Variants in COL22A1 observed in about 807,000 individuals in gnomAD.
The protein encoded by COL22A1 is collagen type XXII alpha 1 chain, also known as collagen alpha-1(XXII) chain.
A neutral mutation model predicts 248.9 loss-of-function variants in COL22A1; 221 were observed. That is an observed-to-expected ratio of 0.89 (90% CI 0.80 to 0.99). The LOEUF is 0.99. Among genes scored for constraint, COL22A1 ranks in the 50% least tolerant of loss-of-function variants. The pLI is 0.00. For missense variants in COL22A1, 2,240 were observed against 2,179.0 expected, an observed-to-expected ratio of 1.03 and a Z score of -0.56; for synonymous variants, 891 against 793.4, an observed-to-expected ratio of 1.12 and a Z score of -2.07.
At chr8:138,598,667 C>A in intron 61 of COL22A1, 52 bp downstream of exon 61, 1 of 1,536,394 alleles carries the variant, frequency 6.5e-7, no homozygotes, top group South Asian at 1.2e-5. Flanking sequence ...TTCCCTGGCT[C>A]CCCCTTAGGC....
At chr8:138,867,636 G>A (rs1281088402) in intron 3 of COL22A1, among the ~76,000 whole-genome samples, 6 of 152,222 alleles carry the variant, frequency 3.9e-5, no homozygotes, top group Admixed American at 3.9e-4. Context: ...ACAGGTCTTA[G>A]CAATGACATG....
rs775244853 is a variant in COL22A1, at chr8:138,760,329, G to A, written c.1858-42C>T. On this transcript the variant is annotated intron_variant, in intron 17 of 64. Coordinates refer to ENST00000303045, the MANE Select transcript of COL22A1 (RefSeq NM_152888.3). Reference sequence around the variant, plus strand: ...AAAGGCAGATTATGATGGGCACTACGGATACGGTGGTGGGGTGTTGGGGAG... The same window carrying A: ...AAAGGCAGATTATGATGGGCACTACAGATACGGTGGTGGGGTGTTGGGGAG... The A allele has an allele frequency of 1.6e-5, 25 of 1,563,656 alleles. 1 individual carries two copies. The Middle Eastern group carries it at 5.0e-4, about 31-fold the overall frequency.
chr8:138,801,576 T>C (rs1817004249), intron 11 of COL22A1, among the ~76,000 whole-genome samples: 2 of 152,210 alleles, frequency 1.3e-5, no homozygotes, highest in Non-Finnish European at 2.9e-5. Context: ...CCAGGCATTT[T>C]GTAAACCAAG....
rs777346782 is a variant in COL22A1 at position 138,877,764 on chromosome 8, C to A, written c.644G>T (p.Arg215Leu). ...AIDKIRGKLRRRLCENVLCPS... is the reference protein window; with the variant it reads ...AIDKIRGKLRLRLCENVLCPS... Reference sequence around the variant, plus strand: ...GGCGCACTCACTTTCACAAAGACGGCGCCGCAGCTTGCCCCGGATCTTGTC... The same window carrying A: ...GGCGCACTCACTTTCACAAAGACGGAGCCGCAGCTTGCCCCGGATCTTGTC... The change falls in exon 3 of 65, where the codon CGC becomes CTC. Residue 215 changes from arginine to leucine, a missense_variant. Transcript: ENST00000303045. The A allele has an allele frequency of 1.3e-6, 2 of 1,588,458 alleles. No individual in the cohort carries two copies. The highest frequency in any genetic ancestry group is 4.5e-5 in the East Asian group (2 of 44,406).
intron 41 of COL22A1, among the ~76,000 whole-genome samples, chr8:138,673,414 T>A (rs1825221584): frequency 6.6e-6 from 1 of 151,936 alleles, no homozygotes; most frequent in African/African-American, 2.4e-5. Flanking sequence ...TTCACCATGT[T>A]GCCAGGCTGG....
At chr8:138,654,886 C>G (rs1823089199) in intron 45 of COL22A1, among the ~76,000 whole-genome samples, 1 of 152,166 alleles carries the variant, frequency 6.6e-6, no homozygotes, top group Non-Finnish European at 1.5e-5. Context: ...CCAGTCAAGT[C>G]TGCACTCACA....
chr8:138,882,319 CA>C (rs200698210), intron 2 of COL22A1, among the ~76,000 whole-genome samples: 6,870 of 151,896 alleles, frequency 0.045, 553 homozygotes, highest in African/African-American at 0.16. Context: ...CACATATTCA[CA>C]CTCCCTCAAA....
At chr8:138,604,822 T>C in intron 58 of COL22A1, 53 bp from the exon 59 acceptor site, 4 of 1,408,554 alleles carry the variant, frequency 2.8e-6, no homozygotes, top group Non-Finnish European at 3.0e-6. Flanking sequence ...CCAATGTCAG[T>C]ACTAAGACTG....
intron 22 of COL22A1, among the ~76,000 whole-genome samples, chr8:138,742,582 G>A (rs372681784): frequency 5.5e-4 from 83 of 152,116 alleles, no homozygotes; most frequent in African/African-American, 1.9e-3. Context: ...TGATGATGGT[G>A]GAGTTGATGG....
chr8:138,654,219 A>C (rs766714740), intron 45 of COL22A1, among the ~76,000 whole-genome samples: 21 of 152,060 alleles, frequency 1.4e-4, no homozygotes, highest in Admixed American at 5.9e-4. Flanking sequence ...CTCCTTCTAG[A>C]GTGAGGGAAT....
chr8:138,845,446 C>T (rs1285096134), intron 3 of COL22A1, among the ~76,000 whole-genome samples: 1 of 151,828 alleles, frequency 6.6e-6, no homozygotes, highest in East Asian at 1.9e-4. Context: ...GAGGCGGAGG[C>T]GGAGGCTGCA....
intron 4 of COL22A1, among the ~76,000 whole-genome samples, chr8:138,840,800 T>C (rs1048606832): frequency 2.0e-5 from 3 of 152,090 alleles, no homozygotes; most frequent in Admixed American, 6.5e-5. Context: ...TTTGTAGAGA[T>C]GGGGTTTCAC....
rs577559220 is a variant in COL22A1, at chr8:138,684,409, T to C, written c.3012+16A>G. 1 of 1,597,550 alleles carries C rather than the reference T, an allele frequency of 6.3e-7. No homozygotes were observed. Among genetic ancestry groups the C allele is most frequent in the East Asian group, 2.2e-5 (1 of 44,814 alleles). ...GCAACTCGTGGCACCCACAGTTTTC[T>C]TGGACAAGCACTCACCTTGGTTCCT... On this transcript the variant is annotated intron_variant, in intron 39 of 64. Transcript: ENST00000303045.
chr8:138,802,110 G>A (rs1352783404), intron 11 of COL22A1, among the ~76,000 whole-genome samples: 1 of 151,976 alleles, frequency 6.6e-6, no homozygotes, highest in Non-Finnish European at 1.5e-5. Context: ...TAATGCTACT[G>A]AATACGTTAT....
At chr8:138,686,563 A>C (rs190270893) in intron 37 of COL22A1, among the ~76,000 whole-genome samples, 4 of 152,330 alleles carry the variant, frequency 2.6e-5, no homozygotes, top group Admixed American at 2.6e-4. Context: ...ACATGGTGTG[A>C]GAGGGAAAAA....
intron 3 of COL22A1, among the ~76,000 whole-genome samples, chr8:138,846,528 C>T (rs1428873328): frequency 6.6e-6 from 1 of 152,200 alleles, no homozygotes; most frequent in Admixed American, 6.5e-5. Context: ...AAGCCTCACA[C>T]ATTCACCAGG....
intron 40 of COL22A1, among the ~76,000 whole-genome samples, chr8:138,678,848 CA>C (rs1825761011): frequency 1.3e-5 from 2 of 152,146 alleles, no homozygotes; most frequent in Non-Finnish European, 2.9e-5. Context: ...CTTATGAAGA[CA>C]TTTAAAAACA....
intron 23 of COL22A1, among the ~76,000 whole-genome samples, chr8:138,728,548 G>A (rs558184383): frequency 9.9e-4 from 151 of 152,050 alleles, no homozygotes; most frequent in African/African-American, 3.3e-3. Context: ...CCAGCCCCTC[G>A]CTCTGGCCCT....
intron 53 of COL22A1, 21 bp downstream of exon 53, chr8:138,619,434 C>G (rs1317807605): frequency 3.7e-6 from 6 of 1,612,122 alleles, no homozygotes; most frequent in Non-Finnish European, 4.2e-6. Flanking sequence ...CTACCGTTCC[C>G]CACACACACT....
Sources: allele counts gnomAD v4.1 joint callset (sites outside exome capture counted in the v4.1 genomes callset), GRCh38; gene constraint gnomAD v4.1.1; transcripts MANE v1.5; gene names NCBI Gene and HGNC (gene_info 2026-07-23, HGNC 2026-07-21).